TMEM132B: variants seen among roughly 807,000 people sequenced by gnomAD.
TMEM132B encodes the protein transmembrane protein 132B.
A neutral mutation model predicts 90.8 loss-of-function variants in TMEM132B; 18 were observed. The ratio of observed to expected loss-of-function variants is 0.20; its 90% CI spans 0.14 to 0.29. The LOEUF (loss-of-function observed/expected upper bound fraction) is 0.29. Among genes scored for constraint, TMEM132B ranks in the 10% least tolerant of loss-of-function variants. The pLI, the probability that TMEM132B is intolerant of heterozygous loss-of-function variation, is 1.00. For missense variants in TMEM132B, 1,096 were observed against 1,326.8 expected (o/e 0.83, Z 2.70); for synonymous variants, 504 against 523.3 (o/e 0.96, Z 0.50).
chr12:125,423,388 G>A (rs1298432451), intron 3 of TMEM132B, among the ~76,000 whole-genome samples: 2 of 152,124 alleles, frequency 1.3e-5, no homozygotes, highest in African/African-American at 2.4e-5. Flanking sequence ...CCTGTAGGGA[G>A]AGCCACACTT....
chr12:125,464,261 C>A (rs1433272911), intron 3 of TMEM132B, among the ~76,000 whole-genome samples: 1 of 152,198 alleles, frequency 6.6e-6, no homozygotes, highest in African/African-American at 2.4e-5. Context: ...AGCTGTGGGA[C>A]AAGAGATGAC....
chr12:125,212,762 G>A (rs1873349253), intron 1 of TMEM132B, among the ~76,000 whole-genome samples: 2 of 152,170 alleles, frequency 1.3e-5, no homozygotes, highest in African/African-American at 4.8e-5. Flanking sequence ...GGGATTATAG[G>A]TGTGAGCCAC....
intron 3 of TMEM132B, among the ~76,000 whole-genome samples, chr12:125,417,851 G>A: frequency 6.6e-6 from 1 of 152,184 alleles, no homozygotes. Context: ...GCTCTGTTTG[G>A]CATAACTTAG....
chr12:125,366,690 T>G (rs1200100193), intron 2 of TMEM132B, among the ~76,000 whole-genome samples: 1 of 152,216 alleles, frequency 6.6e-6, no homozygotes, highest in African/African-American at 2.4e-5. Context: ...GTAGTTAAAT[T>G]TGTACATTTA....
chr12:125,300,859 C>T (rs1442338255), intron 1 of TMEM132B: 1 of 151,942 alleles, frequency 6.6e-6, no homozygotes, highest in African/African-American at 2.4e-5. Context: ...CTTCAGCTGC[C>T]TGCAAACAGC....
At chr12:125,371,877 A>C (rs1878301206) in intron 2 of TMEM132B, among the ~76,000 whole-genome samples, 1 of 152,212 alleles carries the variant, frequency 6.6e-6, no homozygotes, top group Admixed American at 6.5e-5. Flanking sequence ...AATACCATAG[A>C]AGCATAGCAT....
intron 3 of TMEM132B, among the ~76,000 whole-genome samples, chr12:125,468,933 A>G (rs531831083): frequency 6.6e-6 from 1 of 152,228 alleles, no homozygotes; most frequent in African/African-American, 2.4e-5. Flanking sequence ...TGATTTTTAT[A>G]CATTGATTTT....
chr12:125,609,816 CAAAAAAAAAAAA>C (rs763840695), intron 5 of TMEM132B, among the ~76,000 whole-genome samples: 1 of 39,432 alleles, frequency 2.5e-5, no homozygotes, highest in African/African-American at 9.8e-5. Context: ...GACTCTGTCT[CAAAAAAAAAAAA>C]AAAAAAAAAA....
intron 1 of TMEM132B, among the ~76,000 whole-genome samples, chr12:125,338,226 G>A (rs1430267638): frequency 6.6e-6 from 1 of 152,166 alleles, no homozygotes; most frequent in Non-Finnish European, 1.5e-5. Context: ...AGAAGCCCTG[G>A]CCACAGTGGC....
intron 1 of TMEM132B, among the ~76,000 whole-genome samples, chr12:125,227,829 C>T (rs1212596252): frequency 1.3e-5 from 2 of 152,162 alleles, no homozygotes; most frequent in Non-Finnish European, 2.9e-5. Flanking sequence ...GAATGAATGA[C>T]CTCCAGGAGA....
chr12:125,361,401 T>G (rs1467826191), intron 2 of TMEM132B, among the ~76,000 whole-genome samples: 1 of 152,060 alleles, frequency 6.6e-6, no homozygotes, highest in East Asian at 1.9e-4. Context: ...GATCCCCCAT[T>G]TCAAAGGTTA....
At chr12:125,212,088 G>T (rs1226269843) in intron 1 of TMEM132B, among the ~76,000 whole-genome samples, 4 of 152,184 alleles carry the variant, frequency 2.6e-5, no homozygotes, top group African/African-American at 9.7e-5. Flanking sequence ...TCTGACTCCG[G>T]ACAGATGTGA....
rs1380708374 is a variant in TMEM132B, at chr12:125,492,861, C to T, written c.1107-26578C>T. ...AGCGCCAACCAAAGGCTCAGTTCCACCCTCAAGAGCTTGCAGTCCAGGAAG... is the reference window on the plus strand; with the variant it reads ...AGCGCCAACCAAAGGCTCAGTTCCATCCTCAAGAGCTTGCAGTCCAGGAAG... On this transcript the variant is annotated intron_variant, in intron 3 of 8. Coordinates refer to ENST00000682704, the MANE Select transcript of TMEM132B (RefSeq NM_001366854.1). This position sits in a 1 kb window ranked among gnomAD's most constrained non-coding sequence, Gnocchi z 5.8. Among the ~76,000 whole-genome samples the T allele has an allele frequency of 6.6e-6, 1 of 152,188 alleles. No homozygotes were observed. Among genetic ancestry groups the T allele is most frequent in the Non-Finnish European group, 1.5e-5 (1 of 68,036 alleles).
chr12:125,408,792 A>G lies in TMEM132B; in HGVS notation c.960-6739A>G, dbSNP rs1294491254. On this transcript the variant is annotated intron_variant, in intron 2 of 8. Coordinates refer to ENST00000682704, the MANE Select transcript of TMEM132B (RefSeq NM_001366854.1). This position sits in a 1 kb window ranked among gnomAD's most constrained non-coding sequence, Gnocchi z 5.9. ...AATTCAGGCTTTGTAGTTATCACCAAATAGCTTTCCAAAGAGGTTGAACCA... is the reference window on the plus strand; with the variant it reads ...AATTCAGGCTTTGTAGTTATCACCAGATAGCTTTCCAAAGAGGTTGAACCA... 1.3e-5 allele frequency among the ~76,000 whole-genome samples: 2 copies of G among 152,118 alleles called. No individual in the cohort carries two copies. The highest frequency in any genetic ancestry group is 6.5e-5 in the Admixed American group (1 of 15,274).
Position 125,620,935 on chromosome 12 carries a change from T to A in TMEM132B, c.1438-23141T>A, listed in dbSNP as rs997996799. Among the ~76,000 whole-genome samples the A allele has an allele frequency of 3.9e-5, 6 of 152,204 alleles. No individual in the cohort carries two copies. The East Asian group carries it at 1.2e-3, about 29-fold the overall frequency. On this transcript the variant is annotated intron_variant, in intron 5 of 8. Transcript: ENST00000682704. ...GGGATTATGGGAACTACAATTCAAG[T>A]TGAGATTTGGTTGGGGACACAGCCA...
chr12:125,245,986 A>G (rs1874199649), intron 1 of TMEM132B, among the ~76,000 whole-genome samples: 1 of 152,180 alleles, frequency 6.6e-6, no homozygotes. Context: ...AGGCTGGGCT[A>G]GTGATAATAA....
chr12:125,623,325 G>T (rs1886157253), intron 5 of TMEM132B, among the ~76,000 whole-genome samples: 1 of 152,126 alleles, frequency 6.6e-6, no homozygotes, highest in Admixed American at 6.5e-5. Flanking sequence ...GGCCTGCATT[G>T]CTTGTATAGT....
intron 5 of TMEM132B, among the ~76,000 whole-genome samples, chr12:125,627,892 C>A (rs905106564): frequency 1.3e-5 from 2 of 152,122 alleles, no homozygotes; most frequent in African/African-American, 4.8e-5. Flanking sequence ...TTAGATCCCA[C>A]AAATAAGTAA....
intron 4 of TMEM132B, among the ~76,000 whole-genome samples, chr12:125,557,197 T>C (rs1289484506): frequency 6.6e-6 from 1 of 152,194 alleles, no homozygotes; most frequent in Admixed American, 6.5e-5. Flanking sequence ...TATTTTTGTA[T>C]ATTTCCATCC....
Sources: allele counts gnomAD v4.1 joint callset (sites outside exome capture counted in the v4.1 genomes callset), GRCh38; gene constraint gnomAD v4.1.1; non-coding constraint Gnocchi (gnomAD v3.1); transcripts MANE v1.5; gene names NCBI Gene and HGNC (gene_info 2026-07-23, HGNC 2026-07-21).